DEAF1: variants seen among roughly 807,000 people sequenced by gnomAD.
The protein encoded by DEAF1 is DEAF1 transcription factor.
DEAF1 carries 53 observed loss-of-function variants against 58.9 expected under a neutral mutation model. That is an observed-to-expected ratio of 0.90 (90% CI 0.72 to 1.13). The LOEUF is 1.13. Ranked by LOEUF, DEAF1 falls within the 50% of genes most tolerant of loss-of-function variation. The probability of loss-of-function intolerance (pLI) is 0.00; values close to 1 mark genes in which losing one functional copy is unlikely to be tolerated. For missense variants in DEAF1, 685 were observed against 791.4 expected (o/e 0.87, Z 1.61); for synonymous variants, 385 against 340.4 (o/e 1.13, Z -1.44).
At chr11:653,559 G>A (rs866762495) in intron 11 of DEAF1, among the ~76,000 whole-genome samples, 19 of 148,790 alleles carry the variant, frequency 1.3e-4, no homozygotes, top group African/African-American at 3.8e-4. Flanking sequence ...TCTCTCTTGC[G>A]TGGCTCTGCA....
At chr11:702,978 C>A in intron 1 of DEAF1, 2 of 1,610,276 alleles carry the variant, frequency 1.2e-6, no homozygotes, top group Non-Finnish European at 1.7e-6. Flanking sequence ...GCTGAGAGGC[C>A]GCTGGCCGCC....
rs556593942 is a variant in DEAF1, at chr11:649,669, G to A, written c.1593+4293C>T. Among the ~76,000 whole-genome samples, 9 of 152,168 alleles carry A rather than the reference G, an allele frequency of 5.9e-5. No homozygotes were observed. The South Asian group carries it at 1.5e-3, about 25-fold the overall frequency. On this transcript the variant is annotated intron_variant, in intron 11 of 11. Transcript: ENST00000382409. ...CAGGAGGTGGAGGCTGCAGTGAGCC[G>A]AGATTACGCCAGTGCACTCCAGCCT...
intron 11 of DEAF1, among the ~76,000 whole-genome samples, chr11:647,552 C>A (rs1334737528): frequency 6.6e-6 from 1 of 152,068 alleles, no homozygotes; most frequent in Non-Finnish European, 1.5e-5. Flanking sequence ...AAACACAATC[C>A]AAATCTGACT....
chr11:684,896 A>C lies in DEAF1; in HGVS notation c.870+2T>G, dbSNP rs533608717. 2 of 1,551,478 alleles carry C rather than the reference A, an allele frequency of 1.3e-6. No individual in the cohort carries two copies. Among genetic ancestry groups the C allele is most frequent in the East Asian group, 2.4e-5 (1 of 40,910 alleles). On this transcript the variant is annotated splice_donor_variant, in intron 6 of 11. Transcript: ENST00000382409. LOFTEE classifies it high-confidence loss of function. ...CCTGTTCCAGACACGCTGGCCACTT[A>C]CTAAGGTCATGTCGTCGCAGCAGGC...
In DEAF1 at chr11:679,734, G is replaced by A. The variant is rs1860259438; in HGVS notation, c.1080C>T (p.Val360=). The change falls in exon 8 of 12, where the codon GTC becomes GTT. Residue 360 remains valine (V), a synonymous_variant. Transcript: ENST00000382409. ...DRASTVEATA[V]ISESPAQGDV... is the part of the protein sequence containing the mutation. ...CGCCCTGGGCCGGACTCTCTGATAT[G>A]ACAGCAGTGGCCTCTACCGTGGACG... is the stretch of plus-strand genomic sequence containing the variant. The A allele has an allele frequency of 4.3e-6, 7 of 1,613,800 alleles. No individual in the cohort carries two copies. The African/African-American group carries it at 6.7e-5, about 15-fold the overall frequency.
Position 695,091 on chromosome 11 carries a change from C to A in DEAF1, c.-44G>T. ...TCCCGAAGGCGCCGTCCGGGACCGC[C>A]CGAAGCGCCGGTCGCGGAGCCCGAA... On this transcript the variant is annotated 5_prime_UTR_variant, in exon 1 of 12. Transcript: ENST00000382409. 1 of 1,411,052 alleles carries A rather than the reference C, an allele frequency of 7.1e-7. No individual in the cohort carries two copies. Among genetic ancestry groups the A allele is most frequent in the Non-Finnish European group, 9.2e-7 (1 of 1,085,756 alleles). The allele number at this position is 1,411,052 out of a possible 1,614,324, so 87.4% of individuals were successfully genotyped here. A position where few individuals can be genotyped will look rare whatever the true frequency, so the allele number is the denominator to read the frequency against.
At chr11:683,082 G>A (rs1404447958) in intron 6 of DEAF1, among the ~76,000 whole-genome samples, 2 of 152,084 alleles carry the variant, frequency 1.3e-5, no homozygotes, top group African/African-American at 2.4e-5. Context: ...TTTATTTGCT[G>A]TACTCCCCTA....
chr11:646,632 CAA>C (rs1858512138), intron 11 of DEAF1: 1 of 152,220 alleles, frequency 6.6e-6, no homozygotes, highest in Non-Finnish European at 1.5e-5. Context: ...GTTCTTCCAG[CAA>C]AGAGGCAAAG....
chr11:651,747 G>A (rs564762543), intron 11 of DEAF1, among the ~76,000 whole-genome samples: 6 of 152,262 alleles, frequency 3.9e-5, no homozygotes, highest in South Asian at 2.1e-4. Flanking sequence ...TCAGCCGGGC[G>A]TGGTGGCGGG....
At chr11:694,041 A>G (rs966542005) in intron 1 of DEAF1, among the ~76,000 whole-genome samples, 1 of 152,192 alleles carries the variant, frequency 6.6e-6, no homozygotes, top group African/African-American at 2.4e-5. Context: ...CTGGCTCCCC[A>G]GCGCTCAGGT....
chr11:660,220 G>A (rs1297418242), intron 10 of DEAF1, among the ~76,000 whole-genome samples: 7 of 152,244 alleles, frequency 4.6e-5, no homozygotes, highest in African/African-American at 9.6e-5. Context: ...AAGCTGAGCC[G>A]CACACGTAAA....
chr11:702,442 G>A (rs779945387), intron 1 of DEAF1, among the ~76,000 whole-genome samples: 27 of 152,218 alleles, frequency 1.8e-4, no homozygotes, highest in Non-Finnish European at 3.1e-4. Flanking sequence ...CAAGCGCGCC[G>A]CACACTGCAG....
At chr11:698,245 C>T (rs1022826428), upstream of DEAF1, among the ~76,000 whole-genome samples, 2 of 151,548 alleles carry the variant, frequency 1.3e-5, no homozygotes, top group South Asian at 4.2e-4. Context: ...TGCAAAACCT[C>T]AGAATCAAAA....
intron 10 of DEAF1, among the ~76,000 whole-genome samples, chr11:662,289 C>CA (rs1244664219): frequency 9.9e-5 from 15 of 151,282 alleles, no homozygotes; most frequent in African/African-American, 2.7e-4. Flanking sequence ...TCTCATAAAA[C>CA]AAAAAAAAAT....
intron 10 of DEAF1, among the ~76,000 whole-genome samples, chr11:670,401 CTTTTTT>C (rs56358451): frequency 7.0e-6 from 1 of 143,860 alleles, no homozygotes; most frequent in Non-Finnish European, 1.5e-5. Flanking sequence ...TGGAAGTATA[CTTTTTT>C]TTTTTTTTTT....
chr11:657,962 GT>G (rs1460314337), intron 10 of DEAF1, among the ~76,000 whole-genome samples: 1 of 152,184 alleles, frequency 6.6e-6, no homozygotes, highest in Non-Finnish European at 1.5e-5. Context: ...GAAATTCAAA[GT>G]CCGGAGTTCA....
chr11:651,658 G>A (rs1012081852), intron 11 of DEAF1, among the ~76,000 whole-genome samples: 5 of 152,132 alleles, frequency 3.3e-5, no homozygotes, highest in Admixed American at 1.3e-4. Flanking sequence ...AGACTGAGGA[G>A]GGCAGATCAC....
intron 11 of DEAF1, among the ~76,000 whole-genome samples, chr11:648,473 G>A (rs1211773447): frequency 6.6e-6 from 1 of 152,174 alleles, no homozygotes; most frequent in African/African-American, 2.4e-5. Context: ...GGGATTACAG[G>A]CGTGAGCCAC....
At chr11:654,386 T>C (rs932529485) in intron 10 of DEAF1, among the ~76,000 whole-genome samples, 2 of 150,888 alleles carry the variant, frequency 1.3e-5, no homozygotes, top group African/African-American at 4.9e-5. Context: ...AGGCTGGTCT[T>C]GAACCTCTGA....
Sources: allele counts gnomAD v4.1 joint callset (sites outside exome capture counted in the v4.1 genomes callset), GRCh38; gene constraint gnomAD v4.1.1; transcripts MANE v1.5; gene names NCBI Gene and HGNC (gene_info 2026-07-23, HGNC 2026-07-21).